TMTC1: variants seen among roughly 807,000 people sequenced by gnomAD.
TMTC1 encodes the protein transmembrane O-mannosyltransferase targeting cadherins 1.
In TMTC1, 73 loss-of-function variants were observed where a neutral mutation model predicts 104.8. The ratio of observed to expected loss-of-function variants is 0.70; its 90% CI spans 0.58 to 0.85. TMTC1 has a LOEUF of 0.85. TMTC1 is among the 40% of genes least tolerant of loss of function. TMTC1 has a pLI of 0.00. For missense variants in TMTC1, 1,035 were observed against 1,096.1 expected, an observed-to-expected ratio of 0.94 and a Z score of 0.79; for synonymous variants, 434 against 428.7, an observed-to-expected ratio of 1.01 and a Z score of -0.15.
intron 5 of TMTC1, among the ~76,000 whole-genome samples, chr12:29,674,668 T>G (rs746377939): frequency 2.0e-5 from 3 of 152,182 alleles, no homozygotes; most frequent in Non-Finnish European, 4.4e-5. Context: ...GGAGGTGGCC[T>G]GTGAGGGCTC....
chr12:29,746,739 GT>G (rs964997375), intron 5 of TMTC1, among the ~76,000 whole-genome samples: 1 of 151,992 alleles, frequency 6.6e-6, no homozygotes, highest in South Asian at 2.1e-4. Flanking sequence ...ACTTGTTTTA[GT>G]TTTTTTATTT....
chr12:29,530,157 A>C (rs1944461486), intron 11 of TMTC1, among the ~76,000 whole-genome samples: 1 of 152,068 alleles, frequency 6.6e-6, no homozygotes, highest in African/African-American at 2.4e-5. Context: ...CTAAGTCCCC[A>C]ATCTGACTCA....
At chr12:29,685,817 T>G (rs1336046684) in intron 5 of TMTC1, among the ~76,000 whole-genome samples, 4 of 151,888 alleles carry the variant, frequency 2.6e-5, no homozygotes, top group South Asian at 4.1e-4. Flanking sequence ...GTAAGATAGA[T>G]TCCCTAATTT....
At position 29,577,720 on chromosome 12, in the gene TMTC1, G is replaced by A. The variant is rs993964697; in HGVS notation, c.1419-5502C>T. Among the ~76,000 whole-genome samples the A allele has an allele frequency of 4.6e-5, 7 of 152,150 alleles. No homozygotes were observed. In the East Asian group the frequency reaches 1.2e-3, roughly 25 times the overall value. On this transcript the variant is annotated intron_variant, in intron 8 of 17. Transcript: ENST00000539277. ...ATAGATTGTGGATAGTTCTTTTCGG[G>A]GGTGGGTGCTGAAATACTAACACTA...
intron 11 of TMTC1, chr12:29,521,009 C>T (rs749248119): frequency 9.7e-5 from 22 of 225,644 alleles, no homozygotes; most frequent in Non-Finnish European, 1.5e-4. Context: ...ACATGCACGC[C>T]TACCGGGGAA....
chr12:29,601,028 G>T (rs75553959), intron 7 of TMTC1, among the ~76,000 whole-genome samples: 2 of 152,136 alleles, frequency 1.3e-5, no homozygotes, highest in African/African-American at 4.8e-5. Context: ...GGTTGGTTCC[G>T]GGAGGCAGGC....
chr12:29,781,423 C>T (rs1943833588), intron 1 of TMTC1, among the ~76,000 whole-genome samples: 2 of 152,208 alleles, frequency 1.3e-5, no homozygotes, highest in African/African-American at 2.4e-5. Flanking sequence ...CTCCTTTGCC[C>T]TTGTTCTGTC....
chr12:29,735,857 C>T (rs763851290), intron 5 of TMTC1, among the ~76,000 whole-genome samples: 11 of 152,048 alleles, frequency 7.2e-5, no homozygotes, highest in African/African-American at 2.4e-4. Flanking sequence ...AAACAATGTA[C>T]GAACAAAAAA....
intron 7 of TMTC1, 115 bp downstream of exon 7, chr12:29,604,063 A>G (rs1371327283): frequency 2.2e-6 from 3 of 1,362,436 alleles, no homozygotes; most frequent in Non-Finnish European, 2.0e-6. Context: ...AAATAATAAT[A>G]TCCCTTGTCC....
At chr12:29,772,131 T>C (rs1406248688) in intron 1 of TMTC1, among the ~76,000 whole-genome samples, 4 of 152,238 alleles carry the variant, frequency 2.6e-5, no homozygotes, top group Non-Finnish European at 5.9e-5. Flanking sequence ...CTGTTTTACT[T>C]TCATACTTCT....
chr12:29,683,393 A>T (rs1448893924), intron 5 of TMTC1, among the ~76,000 whole-genome samples: 1 of 152,230 alleles, frequency 6.6e-6, no homozygotes, highest in Non-Finnish European at 1.5e-5. Flanking sequence ...AAGAAGATTT[A>T]AAAAGAAAGA....
At chr12:29,770,894 G>A (rs1023430681) in intron 1 of TMTC1, among the ~76,000 whole-genome samples, 15 of 152,270 alleles carry the variant, frequency 9.9e-5, no homozygotes, top group Admixed American at 9.8e-4. Context: ...GGGGTTCACT[G>A]ATTAACCTCA....
chr12:29,610,637 C>T (rs1795038483), intron 6 of TMTC1, among the ~76,000 whole-genome samples: 1 of 152,196 alleles, frequency 6.6e-6, no homozygotes, highest in Admixed American at 6.5e-5. Flanking sequence ...AGCTGCCACA[C>T]ACCTTGGTGA....
At chr12:29,635,634 T>A (rs1305693960) in intron 5 of TMTC1, among the ~76,000 whole-genome samples, 1 of 152,228 alleles carries the variant, frequency 6.6e-6, no homozygotes, top group Non-Finnish European at 1.5e-5. Flanking sequence ...AACAGTCTGA[T>A]GTCCTCCTGA....
chr12:29,630,195 T>G (rs1463948992), intron 6 of TMTC1, among the ~76,000 whole-genome samples: 1 of 152,196 alleles, frequency 6.6e-6, no homozygotes, highest in African/African-American at 2.4e-5. Flanking sequence ...TATGCTGCTA[T>G]GAAGAAATAC....
intron 1 of TMTC1, among the ~76,000 whole-genome samples, chr12:29,777,180 T>C (rs1227794619): frequency 4.6e-5 from 7 of 152,046 alleles, no homozygotes; most frequent in African/African-American, 1.4e-4. Context: ...CTGAAACCTC[T>C]GCCTCCCAGG....
chr12:29,749,619 T>C (rs1327125487), intron 5 of TMTC1, among the ~76,000 whole-genome samples: 2 of 152,148 alleles, frequency 1.3e-5, no homozygotes, highest in African/African-American at 2.4e-5. Flanking sequence ...TCAACAAAAA[T>C]GTCCAGATTT....
At chr12:29,592,236 T>C (rs1946301019) in intron 7 of TMTC1, among the ~76,000 whole-genome samples, 2 of 152,324 alleles carry the variant, frequency 1.3e-5, no homozygotes, top group South Asian at 4.1e-4. Flanking sequence ...CTAGTCCTAA[T>C]TAGCTTCATT....
In TMTC1 at chr12:29,504,937, C is replaced by CT. The variant is rs1224116843; in HGVS notation, c.*1908dup. 1 of 152,048 alleles carries CT rather than the reference C, an allele frequency of 6.6e-6. No homozygotes were observed. Among genetic ancestry groups the CT allele is most frequent in the Admixed American group, 6.6e-5 (1 of 15,260 alleles). 9.4% of individuals were successfully genotyped at this position (152,048 alleles called of 1,614,324 possible). A position where few individuals can be genotyped will look rare whatever the true frequency, so the allele number is the denominator to read the frequency against. On this transcript the variant is annotated 3_prime_UTR_variant, in exon 18 of 18. Transcript: ENST00000539277. ...AAACACTGGAGTATGTTTCTTGACACTAGGACTATGATTTTGGGGGAAGAA... is the reference window on the plus strand; with the variant it reads ...AAACACTGGAGTATGTTTCTTGACACTTAGGACTATGATTTTGGGGGAAGAA...
Sources: gnomAD v4.1 joint callset for allele counts (sites outside exome capture counted in the v4.1 genomes callset) on GRCh38, gnomAD v4.1.1 for gene constraint, MANE v1.5 for transcripts, NCBI Gene and HGNC (gene_info 2026-07-23, HGNC 2026-07-21) for gene names.